Variants in TBCEL observed in about 807,000 individuals in gnomAD.
TBCEL encodes the protein tubulin folding cofactor E like.
Under a neutral mutation model 44.2 loss-of-function variants are expected in TBCEL, and 15 were observed. The observed-to-expected ratio is 0.34, with a 90% confidence interval of 0.23 to 0.52. TBCEL has a LOEUF of 0.52. Ranked by LOEUF, TBCEL falls within the 20% of genes least tolerant of loss-of-function variation. The pLI is 0.95. For synonymous variants in TBCEL, 171 were observed against 185.4 expected (o/e 0.92, Z 0.63); for missense variants, 319 against 506.3 (o/e 0.63, Z 3.55).
chr11:121,038,889 A>G lies in TBCEL; in HGVS notation c.-18+2277A>G, dbSNP rs1049900320. Among the ~76,000 whole-genome samples the G allele has an allele frequency of 2.6e-5, 4 of 152,004 alleles. No homozygotes were observed. The East Asian group carries it at 7.7e-4, about 29-fold the overall frequency. ...GCTTATTTACTTAACTCCCTATTCT[A>G]TGGATTCTGTTCCCTTAACTGTACT... On this transcript the variant is annotated intron_variant, in intron 2 of 8. Coordinates refer to ENST00000683345, the MANE Select transcript of TBCEL (RefSeq NM_001363644.2).
chr11:121,070,756 G>A (rs1375166948), intron 8 of TBCEL, among the ~76,000 whole-genome samples: 1 of 151,148 alleles, frequency 6.6e-6, no homozygotes, highest in Non-Finnish European at 1.5e-5. Flanking sequence ...TAATATAAAT[G>A]ACAAGTTAAT....
chr11:121,070,533 A>T (rs1361515622), intron 8 of TBCEL, among the ~76,000 whole-genome samples: 2 of 152,160 alleles, frequency 1.3e-5, no homozygotes, highest in African/African-American at 4.8e-5. Flanking sequence ...ATAAAAAAGG[A>T]TGAGTTCATG....
At chr11:121,040,532 A>G (rs948152674) in intron 2 of TBCEL, among the ~76,000 whole-genome samples, 1 of 151,944 alleles carries the variant, frequency 6.6e-6, no homozygotes, top group Non-Finnish European at 1.5e-5. Flanking sequence ...AGGCTTGGAT[A>G]TGCTTTGTTT....
At chr11:121,060,293 A>G (rs1221662276) in intron 8 of TBCEL, among the ~76,000 whole-genome samples, 1 of 151,972 alleles carries the variant, frequency 6.6e-6, no homozygotes, top group African/African-American at 2.4e-5. Flanking sequence ...ATGTATTAAC[A>G]CATGTATTAA....
chr11:121,074,143 G>A (rs1482953046), intron 8 of TBCEL, among the ~76,000 whole-genome samples: 1 of 151,876 alleles, frequency 6.6e-6, no homozygotes, highest in African/African-American at 2.4e-5. Context: ...CGATTTGGGG[G>A]TAGGTGTTTT....
intron 8 of TBCEL, among the ~76,000 whole-genome samples, chr11:121,075,456 T>G (rs577326935): frequency 3.9e-5 from 6 of 152,130 alleles, no homozygotes; most frequent in Non-Finnish European, 7.4e-5. Context: ...CTGTTTTAGC[T>G]ATTTTAGGGC....
At chr11:121,052,206 T>G (rs748940094) in intron 4 of TBCEL, among the ~76,000 whole-genome samples, 3 of 151,886 alleles carry the variant, frequency 2.0e-5, no homozygotes, top group Non-Finnish European at 2.9e-5. Context: ...ATTAAGTTAT[T>G]CAATAAATAA....
chr11:121,083,034 G>A (rs1946154376), intron 8 of TBCEL, among the ~76,000 whole-genome samples: 1 of 152,186 alleles, frequency 6.6e-6, no homozygotes, highest in East Asian at 1.9e-4. Flanking sequence ...CCAGGGCTGT[G>A]ACTGATAGAA....
intron 1 of TBCEL, chr11:121,035,976 G>A (rs1945224572): frequency 1.3e-5 from 2 of 152,148 alleles, no homozygotes; most frequent in Admixed American, 1.3e-4. Flanking sequence ...CGTGTGTGAT[G>A]TTGTGTACTG....
intron 1 of TBCEL, among the ~76,000 whole-genome samples, chr11:121,029,183 A>G (rs956198985): frequency 6.6e-6 from 1 of 151,782 alleles, no homozygotes; most frequent in Non-Finnish European, 1.5e-5. Flanking sequence ...GAAGACAGTC[A>G]CTCCCTCAGT....
intron 1 of TBCEL, among the ~76,000 whole-genome samples, chr11:121,027,073 G>T (rs1945059627): frequency 6.6e-6 from 1 of 152,048 alleles, no homozygotes; most frequent in Admixed American, 6.5e-5. Flanking sequence ...CTTAGTGTGT[G>T]AACTGTGTGA....
chr11:121,089,095 G>A lies in TBCEL; in HGVS notation c.*1999G>A, dbSNP rs1946256596. 1 of 152,164 alleles carries A rather than the reference G, an allele frequency of 6.6e-6. No homozygotes were observed. Among genetic ancestry groups the A allele is most frequent in the Non-Finnish European group, 1.5e-5 (1 of 68,040 alleles). The allele number at this position is 152,164 out of a possible 1,614,324, so 9.4% of individuals were successfully genotyped here. Reference sequence around the variant, plus strand: ...CATGAGTGCAGATGAGTTTGAGAGAGAAAAAGTGTAATTGAGCCCTTTGCT... The same window carrying A: ...CATGAGTGCAGATGAGTTTGAGAGAAAAAAAGTGTAATTGAGCCCTTTGCT... On this transcript the variant is annotated 3_prime_UTR_variant, in exon 9 of 9. Transcript: ENST00000683345.
chr11:121,087,158 T>C lies in TBCEL; in HGVS notation c.*62T>C, dbSNP rs1340078956. On this transcript the variant is annotated 3_prime_UTR_variant, in exon 9 of 9. Transcript: ENST00000683345. ...CTTGTTGCAGGGCATTTGTTTTTAA[T>C]GTGGTTTTCTTTAGGAGGGAGAGGT... is the stretch of plus-strand genomic sequence containing the variant. The C allele has an allele frequency of 1.3e-6, 2 of 1,483,304 alleles. No individual in the cohort carries two copies. The highest frequency in any genetic ancestry group is 1.8e-6 in the Non-Finnish European group (2 of 1,096,420). 91.9% of individuals were successfully genotyped at this position (1,483,304 alleles called of 1,614,324 possible).
chr11:121,051,062 AC>A (rs1156841970), intron 4 of TBCEL, among the ~76,000 whole-genome samples: 1 of 151,710 alleles, frequency 6.6e-6, no homozygotes, highest in African/African-American at 2.4e-5. Flanking sequence ...ACTCAAAAAA[AC>A]CTTTTTTATT....
Position 121,088,448 on chromosome 11 carries a change from A to G in TBCEL, c.*1352A>G, listed in dbSNP as rs1046465919. On this transcript the variant is annotated 3_prime_UTR_variant, in exon 9 of 9. Transcript: ENST00000683345. The stretch of plus-strand genomic sequence containing the variant: ...TGGAAATCTTTTTGTTTGTTCTTCT[A>G]TTCCTTTGTTAATCAGATGTAATCC... 2.0e-5 allele frequency: 3 copies of G among 152,108 alleles called. No homozygotes were observed. The highest frequency in any genetic ancestry group is 6.6e-5 in the Admixed American group (1 of 15,248). The allele number at this position is 152,108 out of a possible 1,614,324, so 9.4% of individuals were successfully genotyped here.
At chr11:121,046,811 C>T (rs1945439262) in intron 3 of TBCEL, among the ~76,000 whole-genome samples, 1 of 152,000 alleles carries the variant, frequency 6.6e-6, no homozygotes, top group African/African-American at 2.4e-5. Flanking sequence ...AGGCAGTAGT[C>T]AAAAAGTTGT....
chr11:121,045,745 C>T lies in TBCEL; in HGVS notation c.55C>T (p.Pro19Ser). The change falls in exon 3 of 9, where the codon CCT becomes TCT. Residue 19 changes from proline to serine, a missense_variant. By Grantham distance (74) the Pro-to-Ser change is moderately conservative. Coordinates refer to ENST00000683345, the MANE Select transcript of TBCEL (RefSeq NM_001363644.2). ...GCAAGTATTATGTGAAAAATATAGT[C>T]CTGAAAATTTTCCTTATCGCCGTGG... is the stretch of plus-strand genomic sequence containing the variant. ...FMQVLCEKYS[P>S]ENFPYRRGPG... The T allele has an allele frequency of 6.2e-7, 1 of 1,611,658 alleles. No individual in the cohort carries two copies. The highest frequency in any genetic ancestry group is 8.5e-7 in the Non-Finnish European group (1 of 1,179,070).
intron 6 of TBCEL, among the ~76,000 whole-genome samples, chr11:121,056,419 A>G (rs749901277): frequency 6.6e-5 from 10 of 151,854 alleles, no homozygotes; most frequent in Non-Finnish European, 1.0e-4. Flanking sequence ...AAGTTTGGGC[A>G]GTTATGAATA....
intron 2 of TBCEL, among the ~76,000 whole-genome samples, chr11:121,042,795 T>C (rs148545467): frequency 6.6e-6 from 1 of 152,130 alleles, no homozygotes; most frequent in South Asian, 2.1e-4. Context: ...CACTTTTATA[T>C]TCATACTTTT....
Sources: allele counts gnomAD v4.1 joint callset (sites outside exome capture counted in the v4.1 genomes callset), GRCh38; gene constraint gnomAD v4.1.1; transcripts MANE v1.5; gene names NCBI Gene and HGNC (gene_info 2026-07-23, HGNC 2026-07-21).